The following EYS variants were observed in gnomAD, a reference collection of about 807,000 sequenced individuals.
EYS encodes EGF-like photoreceptor maintenance factor.
A neutral mutation model predicts 282.1 loss-of-function variants in EYS; 250 were observed. The ratio of observed to expected loss-of-function variants is 0.89; its 90% confidence interval spans 0.80 to 0.98. EYS has a LOEUF of 0.98. EYS is among the 50% of genes least tolerant of loss of function. The pLI, the probability that EYS is intolerant of heterozygous loss-of-function variation, is 0.00. For missense variants in EYS, 4,016 were observed against 3,709.0 expected, an observed-to-expected ratio of 1.08 and a Z score of -2.15; for synonymous variants, 1,355 against 1,282.9, an observed-to-expected ratio of 1.06 and a Z score of -1.20.
chr6:63,788,139 T>C lies in EYS; in HGVS notation c.7689A>G (p.Leu2563=), dbSNP rs1450993106. 3 of 1,544,692 alleles carry C rather than the reference T, an allele frequency of 1.9e-6. No individual in the cohort carries two copies. Among genetic ancestry groups the C allele is most frequent in the Middle Eastern group, 1.7e-4 (1 of 5,976 alleles). The change falls in exon 39 of 43, where the codon TTA becomes TTG. Residue 2563 remains leucine, a synonymous_variant. Transcript: ENST00000503581. ...CATTTTTAAAATCTGCTCCATTTGG[T>C]AAGAGATCTGGAGTGTATTCACTGT... The part of the protein sequence containing the change: ...GGYSEYTPDL[L]PNGADFKNGF...
chr6:65,358,125 T>C (rs996127112), intron 8 of EYS, among the ~76,000 whole-genome samples: 1 of 151,988 alleles, frequency 6.6e-6, no homozygotes, highest in Non-Finnish European at 1.5e-5. Context: ...TTAGTTTACA[T>C]GGAAGTGTTC....
At chr6:65,001,264 G>T (rs1253256915) in intron 13 of EYS, among the ~76,000 whole-genome samples, 2 of 147,778 alleles carry the variant, frequency 1.4e-5, no homozygotes, top group South Asian at 2.2e-4. Context: ...GGGCTTGAAG[G>T]TTGAATGAGA....
chr6:64,079,569 T>A (rs9450747), intron 32 of EYS, among the ~76,000 whole-genome samples: 2 of 152,226 alleles, frequency 1.3e-5, no homozygotes, highest in African/African-American at 2.4e-5. Flanking sequence ...TTTTATTTTT[T>A]ATTTTTTTAT....
intron 36 of EYS, among the ~76,000 whole-genome samples, chr6:63,815,494 A>G (rs960077167): frequency 6.6e-6 from 1 of 152,206 alleles, no homozygotes; most frequent in African/African-American, 2.4e-5. Flanking sequence ...GGCACTCCCC[A>G]CAAATTGACT....
chr6:65,298,601 C>T lies in EYS; in HGVS notation c.1767-2482G>A, dbSNP rs141194361. ...GAGTTGTGGTTAGAGCAACAACCTA[C>T]TTGTTCCCAATTTTTGAATTTTTCA... On this transcript the variant is annotated intron_variant, in intron 11 of 42. Coordinates refer to ENST00000503581, the MANE Select transcript of EYS (RefSeq NM_001142800.2). Among the ~76,000 whole-genome samples, 831 of 152,034 alleles carry T rather than the reference C, an allele frequency of 5.5e-3. 13 individuals carry two copies. Among genetic ancestry groups the T allele is most frequent in the Middle Eastern group, 0.027 (8 of 294 alleles).
intron 18 of EYS, among the ~76,000 whole-genome samples, chr6:64,895,439 A>C (rs536255604): frequency 1.8e-4 from 28 of 152,354 alleles, no homozygotes; most frequent in African/African-American, 6.7e-4. Context: ...AATTCCAATC[A>C]AAATTGCTTG....
intron 2 of EYS, among the ~76,000 whole-genome samples, chr6:65,577,640 T>C (rs1454596730): frequency 1.3e-5 from 2 of 151,588 alleles, no homozygotes; most frequent in Non-Finnish European, 3.0e-5. Flanking sequence ...GAAGAGGCAG[T>C]CTACCAAATT....
intron 35 of EYS, among the ~76,000 whole-genome samples, chr6:63,915,769 A>T (rs572529391): frequency 6.6e-6 from 1 of 152,200 alleles, no homozygotes; most frequent in Admixed American, 6.5e-5. Flanking sequence ...CAGTGGAGGA[A>T]GTAATTGCAG....
intron 31 of EYS, among the ~76,000 whole-genome samples, chr6:64,178,057 T>C (rs1764687165): frequency 6.6e-6 from 1 of 152,088 alleles, no homozygotes. Context: ...CTTCCCTAGG[T>C]TTGTTTTTTT....
chr6:64,664,855 G>A (rs1330680735), intron 22 of EYS, among the ~76,000 whole-genome samples: 2 of 152,226 alleles, frequency 1.3e-5, no homozygotes, highest in Admixed American at 6.5e-5. Flanking sequence ...ATAAATTTTT[G>A]TTGTTTACAA....
At chr6:64,588,475 G>A (rs922407792) in intron 26 of EYS, among the ~76,000 whole-genome samples, 2 of 152,022 alleles carry the variant, frequency 1.3e-5, no homozygotes, top group South Asian at 4.1e-4. Flanking sequence ...CAGGAAAGGG[G>A]TTGTCTAGTA....
chr6:64,181,872 A>G (rs1562241483), intron 31 of EYS, among the ~76,000 whole-genome samples: 1 of 152,168 alleles, frequency 6.6e-6, no homozygotes, highest in Non-Finnish European at 1.5e-5. Flanking sequence ...TTTGTTCGAA[A>G]TATTATCAAT....
intron 24 of EYS, among the ~76,000 whole-genome samples, chr6:64,616,145 C>T (rs188630624): frequency 8.7e-4 from 132 of 151,970 alleles, no homozygotes; most frequent in African/African-American, 3.1e-3. Flanking sequence ...TATTTAGATT[C>T]CTACGTATCT....
chr6:63,908,780 C>A (rs1465614483), intron 35 of EYS, among the ~76,000 whole-genome samples: 1 of 152,118 alleles, frequency 6.6e-6, no homozygotes, highest in Admixed American at 6.5e-5. Context: ...AATAAACCAT[C>A]ATTTTCTATC....
At chr6:65,122,355 T>G (rs1173906110) in intron 12 of EYS, among the ~76,000 whole-genome samples, 1 of 152,110 alleles carries the variant, frequency 6.6e-6, no homozygotes. Flanking sequence ...ATAATAATGT[T>G]TATAATTCAG....
intron 40 of EYS, among the ~76,000 whole-genome samples, chr6:63,770,476 A>G (rs1432982871): frequency 6.6e-6 from 1 of 152,130 alleles, no homozygotes; most frequent in Admixed American, 6.6e-5. Flanking sequence ...ATGTGGTGTG[A>G]TGATAAAGTC....
chr6:64,968,336 T>C (rs1770170328), intron 14 of EYS, among the ~76,000 whole-genome samples: 1 of 152,184 alleles, frequency 6.6e-6, no homozygotes, highest in South Asian at 2.1e-4. Context: ...TTGAAAACTA[T>C]GGCAATTTTA....
intron 2 of EYS, among the ~76,000 whole-genome samples, chr6:65,516,480 G>T (rs528666206): frequency 6.6e-6 from 1 of 152,086 alleles, no homozygotes; most frequent in Non-Finnish European, 1.5e-5. Context: ...GATTAGGACT[G>T]ACAAGATATA....
In EYS at chr6:65,005,467, C is replaced by T. The variant is rs570891223; in HGVS notation, c.2138-7764G>A. On this transcript the variant is annotated intron_variant, in intron 13 of 42. Coordinates refer to ENST00000503581, the MANE Select transcript of EYS (RefSeq NM_001142800.2). ...AAGCGGGTCACCGCCATCTTGGGAC[C>T]TCTGTGAGCAAGGACCACCCGGTAA... 1.4e-5 allele frequency among the ~76,000 whole-genome samples: 2 copies of T among 147,628 alleles called. 1 individual carries two copies. The highest frequency in any genetic ancestry group is 4.4e-4 in the South Asian group (2 of 4,510).
Sources: gnomAD v4.1 joint callset for allele counts (sites outside exome capture counted in the v4.1 genomes callset) on GRCh38, gnomAD v4.1.1 for gene constraint, MANE v1.5 for transcripts, NCBI Gene and HGNC (gene_info 2026-07-23, HGNC 2026-07-21) for gene names.